AFAP1: variants seen among roughly 807,000 people sequenced by gnomAD.
The protein encoded by AFAP1 is actin filament-associated protein 1.
A neutral mutation model predicts 93.9 loss-of-function variants in AFAP1; 75 were observed. The observed-to-expected ratio is 0.80, with a 90% CI of 0.66 to 0.97. AFAP1 has a LOEUF of 0.97. AFAP1 is among the 50% of genes least tolerant of loss of function. The pLI is 0.00. For missense variants in AFAP1, 1,201 were observed against 1,050.8 expected, an observed-to-expected ratio of 1.14 and a Z score of -1.98; for synonymous variants, 517 against 430.7, an observed-to-expected ratio of 1.20 and a Z score of -2.48.
At chr4:7,895,762 T>C (rs1718725359) in intron 1 of AFAP1, among the ~76,000 whole-genome samples, 1 of 151,958 alleles carries the variant, frequency 6.6e-6, no homozygotes, top group Admixed American at 6.6e-5. Flanking sequence ...GTTTTAGGAA[T>C]TAGCAGCTCA....
intron 11 of AFAP1, among the ~76,000 whole-genome samples, chr4:7,787,109 C>T (rs1161834167): frequency 6.6e-6 from 1 of 152,258 alleles, no homozygotes; most frequent in Admixed American, 6.5e-5. Flanking sequence ...GAATTTCATA[C>T]ATGAAGAGTA....
chr4:7,859,519 T>G (rs2149152500), intron 3 of AFAP1, among the ~76,000 whole-genome samples: 2 of 152,262 alleles, frequency 1.3e-5, no homozygotes, highest in East Asian at 3.9e-4. Flanking sequence ...ATGACTGATC[T>G]TCACCCCTGC....
intron 17 of AFAP1, 72 bp from the exon 18 acceptor site, chr4:7,763,863 A>ACATTCAACTCAGAGGGGGT: frequency 6.7e-7 from 1 of 1,486,546 alleles, no homozygotes; most frequent in Non-Finnish European, 9.2e-7. Flanking sequence ...GCCACCATCC[A>ACATTCAACTCAGAGGGGGT]CATTCAACTC....
At chr4:7,779,015 A>G (rs751761131) in intron 13 of AFAP1, 139 bp from the exon 14 acceptor site, 17 of 656,044 alleles carry the variant, frequency 2.6e-5, no homozygotes, top group Non-Finnish European at 4.1e-5. Flanking sequence ...ATCGAAAGTG[A>G]AAGAAAACCA....
At chr4:7,892,880 G>C (rs746402412) in intron 1 of AFAP1, among the ~76,000 whole-genome samples, 1 of 152,052 alleles carries the variant, frequency 6.6e-6, no homozygotes, top group African/African-American at 2.4e-5. Flanking sequence ...GGAAAAAGGC[G>C]GATGAAAATA....
At chr4:7,828,218 A>G (rs1577261106) in intron 6 of AFAP1, among the ~76,000 whole-genome samples, 1 of 152,168 alleles carries the variant, frequency 6.6e-6, no homozygotes, top group African/African-American at 2.4e-5. Context: ...GCTTGAAACC[A>G]CAAGATGCTA....
Position 7,768,746 on chromosome 4 carries a change from G to C in AFAP1, c.2418+98C>G, listed in dbSNP as rs1577175166. On this transcript the variant is annotated intron_variant, in intron 17 of 17. Coordinates refer to ENST00000420658, the MANE Select transcript of AFAP1 (RefSeq NM_001134647.2). ...GAAGGCTGAGTGCCAAGTGGATGCA[G>C]TAGGAAGAAGAATGGGCTCCCTACT... 7.2e-6 allele frequency: 10 copies of C among 1,385,100 alleles called. No homozygotes were observed. The East Asian group carries it at 2.6e-4, about 36-fold the overall frequency. 85.8% of individuals were successfully genotyped at this position (1,385,100 alleles called of 1,614,324 possible).
intron 1 of AFAP1, among the ~76,000 whole-genome samples, chr4:7,931,535 C>T (rs979039017): frequency 6.0e-5 from 9 of 150,622 alleles, no homozygotes; most frequent in African/African-American, 2.2e-4. Context: ...GTGTGCACCA[C>T]CACGCCCAGC....
At chr4:7,849,608 CT>C (rs1560198109) in intron 4 of AFAP1, among the ~76,000 whole-genome samples, 1 of 152,096 alleles carries the variant, frequency 6.6e-6, no homozygotes, top group East Asian at 1.9e-4. Context: ...TGGAGCTGCT[CT>C]TTCAGGTCTC....
intron 2 of AFAP1, among the ~76,000 whole-genome samples, chr4:7,869,847 GAC>G (rs35546648): frequency 0.87 from 132,305 of 151,494 alleles, 58,599 homozygotes; most frequent in Non-Finnish European, 0.95. Context: ...AAGGATAAAT[GAC>G]ACACACACAC....
chr4:7,789,784 C>T (rs1417871992), intron 11 of AFAP1, among the ~76,000 whole-genome samples: 1 of 151,608 alleles, frequency 6.6e-6, no homozygotes, highest in African/African-American at 2.4e-5. Flanking sequence ...TGCTCCGCAC[C>T]AGCCCCTGCT....
At chr4:7,909,041 A>G (rs1280397590) in intron 1 of AFAP1, among the ~76,000 whole-genome samples, 2 of 152,240 alleles carry the variant, frequency 1.3e-5, no homozygotes, top group East Asian at 1.9e-4. Context: ...AATTAACCCA[A>G]TCACTTAAAA....
chr4:7,916,049 G>C (rs1720069710), intron 1 of AFAP1, among the ~76,000 whole-genome samples: 1 of 152,188 alleles, frequency 6.6e-6, no homozygotes, highest in African/African-American at 2.4e-5. Context: ...ACCTGCTGGG[G>C]AGAGGCACTT....
intron 4 of AFAP1, among the ~76,000 whole-genome samples, chr4:7,850,307 G>A (rs551621659): frequency 2.0e-5 from 3 of 152,034 alleles, no homozygotes; most frequent in Non-Finnish European, 2.9e-5. Context: ...ATCCAACATC[G>A]GGGCCTGAGG....
intron 1 of AFAP1, among the ~76,000 whole-genome samples, chr4:7,935,987 C>T (rs377480119): frequency 3.3e-5 from 5 of 152,234 alleles, no homozygotes; most frequent in Admixed American, 1.3e-4. Context: ...TAAAGAAAAT[C>T]TGGTCGCGTT....
At chr4:7,767,840 G>A (rs1233005103) in intron 17 of AFAP1, among the ~76,000 whole-genome samples, 1 of 152,224 alleles carries the variant, frequency 6.6e-6, no homozygotes, top group Non-Finnish European at 1.5e-5. Context: ...AGCACTTTGG[G>A]AGGTAGGAGG....
chr4:7,873,639 C>CACCCG (rs1157368666), intron 1 of AFAP1, among the ~76,000 whole-genome samples: 2 of 152,060 alleles, frequency 1.3e-5, no homozygotes, highest in Non-Finnish European at 2.9e-5. Flanking sequence ...TGAGCCACCA[C>CACCCG]ACCCGACCAA....
chr4:7,800,332 C>G, intron 10 of AFAP1, 110 bp downstream of exon 10: 2 of 1,129,376 alleles, frequency 1.8e-6, no homozygotes, highest in South Asian at 2.8e-5. Context: ...AAAAGAGGTA[C>G]TGTCAGCGAG....
At chr4:7,849,050 G>GA (rs1263582879) in intron 4 of AFAP1, among the ~76,000 whole-genome samples, 1 of 152,182 alleles carries the variant, frequency 6.6e-6, no homozygotes, top group Non-Finnish European at 1.5e-5. Flanking sequence ...AATGACACAA[G>GA]AATCTATCTT....
Sources: allele counts gnomAD v4.1 joint callset (sites outside exome capture counted in the v4.1 genomes callset), GRCh38; gene constraint gnomAD v4.1.1; transcripts MANE v1.5; gene names NCBI Gene and HGNC (gene_info 2026-07-23, HGNC 2026-07-21).